Variants in HPGDS observed in about 807,000 individuals in gnomAD.
The protein encoded by HPGDS is hematopoietic prostaglandin D synthase.
HPGDS carries 26 observed loss-of-function variants against 23.1 expected under a neutral mutation model. The observed-to-expected ratio is 1.13, with a 90% confidence interval of 0.83 to 1.56. The LOEUF (loss-of-function observed/expected upper bound fraction) is 1.56. Among genes scored for constraint, HPGDS ranks in the 40% most tolerant of loss-of-function variants. The probability of loss-of-function intolerance (pLI) is 0.00; values close to 1 mark genes in which losing one functional copy is unlikely to be tolerated. For missense variants in HPGDS, 268 were observed against 236.4 expected, an observed-to-expected ratio of 1.13 and a Z score of -0.88; for synonymous variants, 95 against 77.9, an observed-to-expected ratio of 1.22 and a Z score of -1.16.
At chr4:94,312,930 T>C (rs562191446) in intron 3 of HPGDS, among the ~76,000 whole-genome samples, 232 of 152,308 alleles carry the variant, frequency 1.5e-3, no homozygotes, top group African/African-American at 5.2e-3. Flanking sequence ...TGGTTTAAAG[T>C]CTGTTTTATC....
intron 2 of HPGDS, among the ~76,000 whole-genome samples, chr4:94,331,860 G>A (rs924462353): frequency 1.3e-5 from 2 of 152,156 alleles, no homozygotes; most frequent in African/African-American, 4.8e-5. Flanking sequence ...AGGAGGCAGA[G>A]AAATTCTAGG....
chr4:94,324,105 T>C (rs1029732557), intron 2 of HPGDS, among the ~76,000 whole-genome samples: 3 of 152,236 alleles, frequency 2.0e-5, no homozygotes, highest in Non-Finnish European at 4.4e-5. Flanking sequence ...TCTTCTGGCT[T>C]GTAGAGTTTC....
chr4:94,318,421 G>T (rs868248965), intron 2 of HPGDS, among the ~76,000 whole-genome samples: 30 of 151,898 alleles, frequency 2.0e-4, no homozygotes, highest in African/African-American at 6.0e-4. Context: ...TGGGGTACAT[G>T]GTATATGCAC....
chr4:94,332,787 A>G (rs1756758132), intron 2 of HPGDS, among the ~76,000 whole-genome samples: 1 of 152,182 alleles, frequency 6.6e-6, no homozygotes, highest in South Asian at 2.1e-4. Context: ...CTTTTTCTGT[A>G]TCTCTGGTGA....
At chr4:94,313,881 A>G (rs969237807) in intron 3 of HPGDS, among the ~76,000 whole-genome samples, 2 of 151,850 alleles carry the variant, frequency 1.3e-5, no homozygotes, top group African/African-American at 4.8e-5. Flanking sequence ...GCTTCATTTC[A>G]TTCTTTTGAT....
Position 94,302,175 on chromosome 4 carries a change from C to T in HPGDS, c.406G>A (p.Gly136Arg). ...TTACCAATAAGCCATTCTCTCCCCC[C>T]TAAATATGTGTCCAAGTCTTGCATA... is the stretch of plus-strand genomic sequence containing the variant. The part of the protein sequence containing the change: ...HLMQDLDTYL[G>R]GREWLIGNSV... Residue 136 changes from glycine (G) to arginine (R), a missense_variant, in exon 5 of 6, where the codon GGG becomes AGG. By Grantham distance (125) the Gly-to-Arg change is moderately radical (BLOSUM62 -2). Transcript: ENST00000295256. The T allele has an allele frequency of 1.2e-6, 2 of 1,612,198 alleles. No individual in the cohort carries two copies. The highest frequency in any genetic ancestry group is 1.7e-6 in the Non-Finnish European group (2 of 1,178,616).
chr4:94,313,041 G>A (rs1015287489), intron 3 of HPGDS, among the ~76,000 whole-genome samples: 4 of 152,050 alleles, frequency 2.6e-5, no homozygotes, highest in African/African-American at 9.7e-5. Context: ...CTCTGCACGT[G>A]AGATGGGTTT....
chr4:94,299,654 AG>A lies in HPGDS; in HGVS notation c.436-11del, dbSNP rs1755996763. The stretch of plus-strand genomic sequence containing the variant: ...AGTCTGCCCAAGTTACCTAGTTTAA[AG>A]GAAACAAACTTTTCATTTGAACATA... On this transcript the variant is annotated splice_polypyrimidine_tract_variant and intron_variant, in intron 5 of 5. Coordinates refer to ENST00000295256, the MANE Select transcript of HPGDS (RefSeq NM_014485.3). The A allele has an allele frequency of 6.2e-7, 1 of 1,609,626 alleles. No individual in the cohort carries two copies. The highest frequency in any genetic ancestry group is 1.7e-5 in the Admixed American group (1 of 59,448).
intron 1 of HPGDS, among the ~76,000 whole-genome samples, chr4:94,335,241 C>T (rs1720976247): frequency 6.6e-6 from 1 of 152,176 alleles, no homozygotes; most frequent in South Asian, 2.1e-4. Context: ...TACTGGGTTA[C>T]CTGCACCACA....
At chr4:94,306,895 A>T (rs544083054) in intron 4 of HPGDS, among the ~76,000 whole-genome samples, 1 of 152,232 alleles carries the variant, frequency 6.6e-6, no homozygotes, top group South Asian at 2.1e-4. Context: ...ATTAAAGGAA[A>T]TGTCCTTGAA....
In HPGDS at chr4:94,340,720, G is replaced by A. The variant is rs376210121; in HGVS notation, c.-10+2075C>T. Reference sequence around the variant, plus strand: ...GTCGCCCAGCCTGGAGTGCAATGGCGTGATCTCGTCTCACCGCAGCCTCTG... The same window carrying A: ...GTCGCCCAGCCTGGAGTGCAATGGCATGATCTCGTCTCACCGCAGCCTCTG... On this transcript the variant is annotated intron_variant, in intron 1 of 5. Transcript: ENST00000295256. 3.8e-5 allele frequency among the ~76,000 whole-genome samples: 5 copies of A among 132,140 alleles called. 1 individual carries two copies. Among genetic ancestry groups the A allele is most frequent in the African/African-American group, 1.5e-4 (5 of 33,884 alleles). 86.7% of individuals were successfully genotyped at this position (132,140 alleles called of 152,430 possible).
chr4:94,309,776 T>C (rs1219649720), intron 3 of HPGDS, among the ~76,000 whole-genome samples: 5 of 151,682 alleles, frequency 3.3e-5, no homozygotes, highest in Non-Finnish European at 4.4e-5. Context: ...TTTCTCCACA[T>C]CCTCTCCAGC....
chr4:94,328,894 C>T (rs920691147), intron 2 of HPGDS, among the ~76,000 whole-genome samples: 5 of 152,188 alleles, frequency 3.3e-5, no homozygotes, highest in Non-Finnish European at 7.3e-5. Context: ...TGTGTGTCTC[C>T]TTCAAGTATC....
intron 1 of HPGDS, among the ~76,000 whole-genome samples, chr4:94,339,657 ACTAT>A (rs1438362232): frequency 6.6e-6 from 1 of 152,144 alleles, no homozygotes; most frequent in Non-Finnish European, 1.5e-5. Context: ...TTTTTAAAGT[ACTAT>A]CTTGGGTACT....
intron 2 of HPGDS, among the ~76,000 whole-genome samples, chr4:94,329,513 A>G (rs1756699193): frequency 6.6e-6 from 1 of 152,218 alleles, no homozygotes; most frequent in Non-Finnish European, 1.5e-5. Flanking sequence ...GCTAAGTGGA[A>G]CATAACCACC....
intron 3 of HPGDS, among the ~76,000 whole-genome samples, chr4:94,313,547 C>A (rs1439062742): frequency 6.6e-6 from 1 of 152,210 alleles, no homozygotes; most frequent in East Asian, 1.9e-4. Flanking sequence ...GTAACCCGAC[C>A]TTTCTCTTTG....
At chr4:94,340,366 T>G in intron 1 of HPGDS, among the ~76,000 whole-genome samples, 1 of 116,884 alleles carries the variant, frequency 8.6e-6, no homozygotes, top group Admixed American at 9.5e-5. Flanking sequence ...TGAGACGGAG[T>G]CTCTCTCTGT....
chr4:94,331,498 A>C (rs188486652), intron 2 of HPGDS, among the ~76,000 whole-genome samples: 1 of 152,142 alleles, frequency 6.6e-6, no homozygotes, highest in South Asian at 2.1e-4. Context: ...CTGTAAGCTC[A>C]GTGTGCATGG....
intron 2 of HPGDS, among the ~76,000 whole-genome samples, chr4:94,328,098 C>T (rs547080805): frequency 1.4e-3 from 211 of 152,362 alleles, no homozygotes; most frequent in Non-Finnish European, 2.0e-3. Flanking sequence ...CAGGAGTCTG[C>T]GGAGTAAATG....
Sources: allele counts gnomAD v4.1 joint callset (sites outside exome capture counted in the v4.1 genomes callset), GRCh38; gene constraint gnomAD v4.1.1; transcripts MANE v1.5; gene names NCBI Gene and HGNC (gene_info 2026-07-23, HGNC 2026-07-21).